CPXM2: variants seen among roughly 807,000 people sequenced by gnomAD.
CPXM2 encodes the protein inactive carboxypeptidase-like protein X2.
CPXM2 carries 66 observed loss-of-function variants against 86.1 expected under a neutral mutation model. The observed-to-expected ratio is 0.77, with a 90% CI of 0.63 to 0.94. CPXM2 has a LOEUF of 0.94. CPXM2 is among the 40% of genes least tolerant of loss of function. CPXM2 has a pLI of 0.00. For missense variants in CPXM2, 948 were observed against 1,026.3 expected (o/e 0.92, Z 1.04); for synonymous variants, 388 against 400.2 (o/e 0.97, Z 0.36).
intron 3 of CPXM2, among the ~76,000 whole-genome samples, chr10:123,848,413 C>A (rs1848539880): frequency 6.6e-6 from 1 of 152,146 alleles, no homozygotes; most frequent in Non-Finnish European, 1.5e-5. Flanking sequence ...CTTTTAAAAC[C>A]AAAACCAATT....
intron 2 of CPXM2, among the ~76,000 whole-genome samples, chr10:123,871,119 C>T (rs1590086394): frequency 6.6e-6 from 1 of 152,310 alleles, no homozygotes; most frequent in East Asian, 1.9e-4. Context: ...TCTTAAATGT[C>T]CAGCTCAGGG....
chr10:123,927,450 G>A (rs1487738228), intron 2 of CPXM2, among the ~76,000 whole-genome samples: 1 of 152,162 alleles, frequency 6.6e-6, no homozygotes, highest in East Asian at 1.9e-4. Flanking sequence ...ACTATCCTAA[G>A]CACCTCACAT....
chr10:123,842,404 G>C lies in CPXM2; in HGVS notation c.598C>G (p.Arg200Gly), dbSNP rs772955304. ...ACACCAGTGAATCTGGTCAGGCGCCGAGCATCCACTTCAATCCACTGCTGG... is the reference window on the plus strand; with the variant it reads ...ACACCAGTGAATCTGGTCAGGCGCCCAGCATCCACTTCAATCCACTGCTGG... ...DLQQWIEVDA[R>G]RLTRFTGVIT... The change falls in exon 4 of 14, where the codon CGG becomes GGG. Residue 200 changes from arginine (R) to glycine (G), a missense_variant. Coordinates refer to ENST00000241305, the MANE Select transcript of CPXM2 (RefSeq NM_198148.3). 13 of 1,614,086 alleles carry C rather than the reference G, an allele frequency of 8.1e-6. No individual in the cohort carries two copies. Among genetic ancestry groups the C allele is most frequent in the Non-Finnish European group, 1.1e-5 (13 of 1,180,040 alleles).
chr10:123,873,478 C>A (rs1944926951), intron 2 of CPXM2, among the ~76,000 whole-genome samples: 1 of 152,122 alleles, frequency 6.6e-6, no homozygotes, highest in African/African-American at 2.4e-5. Flanking sequence ...AATCAAAATT[C>A]CAAGAACTTG....
At chr10:123,761,451 C>T (rs1408842433) in intron 11 of CPXM2, among the ~76,000 whole-genome samples, 1 of 152,172 alleles carries the variant, frequency 6.6e-6, no homozygotes, top group Non-Finnish European at 1.5e-5. Context: ...TGGGCTCCAG[C>T]GCCAGCACCA....
chr10:123,867,583 C>G (rs1299090353), intron 2 of CPXM2, among the ~76,000 whole-genome samples: 3 of 136,744 alleles, frequency 2.2e-5, no homozygotes, highest in African/African-American at 5.6e-5. Flanking sequence ...ACCCAGGCTG[C>G]AGTGCAATGG....
At chr10:123,788,578 C>A (rs1246326771) in intron 6 of CPXM2, among the ~76,000 whole-genome samples, 1 of 152,156 alleles carries the variant, frequency 6.6e-6, no homozygotes, top group African/African-American at 2.4e-5. Context: ...TTAAAAGTGC[C>A]CGCTTTCTGC....
chr10:123,901,935 C>T (rs1945386277), intron 2 of CPXM2, among the ~76,000 whole-genome samples: 1 of 152,168 alleles, frequency 6.6e-6, no homozygotes, highest in African/African-American at 2.4e-5. Context: ...TTTTCATTTG[C>T]CTGAATTGCA....
Position 123,754,796 on chromosome 10 carries a change from A to C in CPXM2, c.1918-34T>G, listed in dbSNP as rs1589961743. ...CAAACATGAGACACAGGGTGAGGTCACCGACCAGCTCTGGACACAACCGGC... is the reference window on the plus strand; with the variant it reads ...CAAACATGAGACACAGGGTGAGGTCCCCGACCAGCTCTGGACACAACCGGC... On this transcript the variant is annotated intron_variant, in intron 12 of 13. Coordinates refer to ENST00000241305, the MANE Select transcript of CPXM2 (RefSeq NM_198148.3). This position sits in a 1 kb window ranked among gnomAD's most constrained non-coding sequence, Gnocchi z 4.0. The C allele has an allele frequency of 1.6e-6, 2 of 1,242,414 alleles. No individual in the cohort carries two copies. Among genetic ancestry groups the C allele is most frequent in the Non-Finnish European group, 2.4e-6 (2 of 840,700 alleles). 77.0% of individuals were successfully genotyped at this position (1,242,414 alleles called of 1,614,324 possible).
At chr10:123,751,505 A>T (rs1846076421) in intron 13 of CPXM2, 1 of 985,094 alleles carries the variant, frequency 1.0e-6, no homozygotes, top group Admixed American at 6.2e-5. Flanking sequence ...ACGTGGGCAG[A>T]AGGGGCAACT....
chr10:123,891,230 G>A lies in CPXM2; in HGVS notation c.304+126C>T. The A allele has an allele frequency of 1.3e-6, 1 of 785,970 alleles. No individual in the cohort carries two copies. The highest frequency in any genetic ancestry group is 1.9e-6 in the Non-Finnish European group (1 of 514,712). 48.7% of individuals were successfully genotyped at this position (785,970 alleles called of 1,614,324 possible). A position where few individuals can be genotyped will look rare whatever the true frequency, so the allele number is the denominator to read the frequency against. ...AGATACAGTCCCTAGGGAGGCAGAG[G>A]CGGCAACAGGGAGATTCCCGGGACT... On this transcript the variant is annotated intron_variant, in intron 1 of 13. Coordinates refer to ENST00000241305, the MANE Select transcript of CPXM2 (RefSeq NM_198148.3). The surrounding 1 kb of genome is among the most constrained non-coding windows in gnomAD (Gnocchi z 5.6).
chr10:123,747,788 G>C (rs1845997756), intron 13 of CPXM2, among the ~76,000 whole-genome samples: 1 of 152,012 alleles, frequency 6.6e-6, no homozygotes, highest in Non-Finnish European at 1.5e-5. Flanking sequence ...TGGGTGTGGT[G>C]GTGGGTGCCT....
chr10:123,803,393 T>C (rs1398082150), intron 4 of CPXM2, among the ~76,000 whole-genome samples: 3 of 152,082 alleles, frequency 2.0e-5, no homozygotes, highest in African/African-American at 7.2e-5. Flanking sequence ...ATTATAGGTG[T>C]GTGCCACCAT....
At position 123,752,473 on chromosome 10, in the gene CPXM2, CA is replaced by C. The variant is rs1431198991; in HGVS notation, c.2017+2189del. The C allele has an allele frequency of 5.1e-6, 5 of 985,264 alleles. No homozygotes were observed. The East Asian group carries it at 4.5e-4, about 89-fold the overall frequency. The allele number at this position is 985,264 out of a possible 1,614,324, so 61.0% of individuals were successfully genotyped here. On this transcript the variant is annotated intron_variant, in intron 13 of 13. Transcript: ENST00000241305. The stretch of plus-strand genomic sequence containing the variant: ...TGTGGCATTTTAGACACATTTCCCC[CA>C]TTTACATATTTGGTCTTTTATGCCA...
chr10:123,836,997 C>T (rs1162635269), intron 4 of CPXM2, among the ~76,000 whole-genome samples: 1 of 152,252 alleles, frequency 6.6e-6, no homozygotes, highest in Non-Finnish European at 1.5e-5. Context: ...ACTAACTTTC[C>T]CTCCACCTGG....
intron 4 of CPXM2, among the ~76,000 whole-genome samples, chr10:123,809,713 T>TAA (rs763698751): frequency 6.6e-6 from 1 of 152,108 alleles, no homozygotes; most frequent in Non-Finnish European, 1.5e-5. Context: ...ATCCTATTAT[T>TAA]GTTAAGGAAG....
intron 3 of CPXM2, among the ~76,000 whole-genome samples, chr10:123,849,797 TAATA>T (rs1848565061): frequency 6.6e-6 from 1 of 152,212 alleles, no homozygotes; most frequent in African/African-American, 2.4e-5. Flanking sequence ...ATTAATTTTA[TAATA>T]GATACAGAAA....
At chr10:123,924,694 G>GTGGC (rs1945608738) in intron 2 of CPXM2, among the ~76,000 whole-genome samples, 1 of 152,186 alleles carries the variant, frequency 6.6e-6, no homozygotes, top group Non-Finnish European at 1.5e-5. Context: ...AGGATGCAGA[G>GTGGC]TGGCGGTGGG....
chr10:123,943,870 G>C (rs1193656082), upstream of CPXM2, among the ~76,000 whole-genome samples: 2 of 152,174 alleles, frequency 1.3e-5, no homozygotes, highest in Non-Finnish European at 2.9e-5. Context: ...CTGCCCCATG[G>C]AATAGAAGGG....
Sources: gnomAD v4.1 joint callset for allele counts (sites outside exome capture counted in the v4.1 genomes callset) on GRCh38, gnomAD v4.1.1 for gene constraint, Gnocchi (gnomAD v3.1) non-coding constraint, MANE v1.5 for transcripts, NCBI Gene and HGNC (gene_info 2026-07-23, HGNC 2026-07-21) for gene names.